The following ANO4 variants were observed in gnomAD, a reference collection of about 807,000 sequenced individuals.
ANO4 encodes the protein anoctamin 4.
In ANO4, 69 loss-of-function variants were observed where a neutral mutation model predicts 141.9. That is an observed-to-expected ratio of 0.49 (90% confidence interval 0.40 to 0.59). The LOEUF is 0.59. ANO4 is among the 20% of genes least tolerant of loss of function. ANO4 has a pLI of 0.00. For missense variants in ANO4, 894 were observed against 1,162.2 expected, an observed-to-expected ratio of 0.77 and a Z score of 3.36; for synonymous variants, 350 against 394.3, an observed-to-expected ratio of 0.89 and a Z score of 1.33.
chr12:100,758,284 C>T (rs2032702279), intron 3 of ANO4, among the ~76,000 whole-genome samples: 1 of 152,146 alleles, frequency 6.6e-6, no homozygotes, highest in Non-Finnish European at 1.5e-5. Flanking sequence ...CAGATGGTGG[C>T]CTTGGTGTGT....
At chr12:101,083,576 G>C in intron 15 of ANO4, 102 bp from the exon 16 acceptor site, 1 of 1,389,490 alleles carries the variant, frequency 7.2e-7, no homozygotes, top group Non-Finnish European at 9.7e-7. Context: ...TAATTAGTGT[G>C]GCAGCTGTTG....
At chr12:101,018,364 T>G (rs1167248908) in intron 8 of ANO4, among the ~76,000 whole-genome samples, 1 of 152,182 alleles carries the variant, frequency 6.6e-6, no homozygotes, top group Non-Finnish European at 1.5e-5. Context: ...ATCCACCAAC[T>G]CAAATTACCT....
intron 5 of ANO4, among the ~76,000 whole-genome samples, chr12:100,966,830 C>CAT (rs1307171270): frequency 8.0e-6 from 1 of 124,318 alleles, no homozygotes; most frequent in East Asian, 2.7e-4. Context: ...TATATATACA[C>CAT]ATATATATAC....
intron 16 of ANO4, among the ~76,000 whole-genome samples, chr12:101,085,714 C>G (rs2049464704): frequency 6.6e-6 from 1 of 152,118 alleles, no homozygotes; most frequent in African/African-American, 2.4e-5. Flanking sequence ...TTCAGGGAAA[C>G]ATGCTTCAGT....
chr12:100,942,275 G>C (rs993721593), intron 4 of ANO4, 102 bp from the exon 5 acceptor site: 5 of 1,391,584 alleles, frequency 3.6e-6, no homozygotes, highest in Non-Finnish European at 4.9e-6. Flanking sequence ...CACCGCACCC[G>C]AACTGAAAAA....
intron 7 of ANO4, among the ~76,000 whole-genome samples, chr12:100,982,444 G>C (rs556819255): frequency 6.6e-6 from 1 of 152,278 alleles, no homozygotes; most frequent in Admixed American, 6.5e-5. Context: ...TAACTATTTA[G>C]GGATGTTTAT....
At chr12:100,898,545 A>T (rs1202133835) in intron 1 of ANO4, among the ~76,000 whole-genome samples, 1 of 152,144 alleles carries the variant, frequency 6.6e-6, no homozygotes, top group Non-Finnish European at 1.5e-5. Context: ...TCCTGGTAAT[A>T]TTCTTGAATT....
At chr12:100,892,226 G>A (rs1206410144) in intron 1 of ANO4, among the ~76,000 whole-genome samples, 1 of 152,172 alleles carries the variant, frequency 6.6e-6, no homozygotes, top group African/African-American at 2.4e-5. Context: ...GACCACAGGA[G>A]TACTGATAGC....
chr12:100,918,564 A>G (rs563015674), intron 2 of ANO4, among the ~76,000 whole-genome samples: 1 of 152,288 alleles, frequency 6.6e-6, no homozygotes, highest in East Asian at 1.9e-4. Context: ...TTAAGATTAT[A>G]ATGGAGCTGA....
At position 101,104,744 on chromosome 12, in the gene ANO4, G is replaced by A. The variant is rs188063737; in HGVS notation, c.2149+5024G>A. On this transcript the variant is annotated intron_variant, in intron 22 of 27. Coordinates refer to ENST00000392977, the MANE Select transcript of ANO4 (RefSeq NM_001286615.2). ...ATGTTTCAAGTATGTTCTGCATTTA[G>A]TTGTTTGGTATAATGGTCTACATTT... Among the ~76,000 whole-genome samples the A allele has an allele frequency of 5.2e-3, 763 of 147,528 alleles. 5 individuals carry two copies. Among genetic ancestry groups the A allele is most frequent in the Middle Eastern group, 0.033 (9 of 270 alleles).
At chr12:100,811,382 G>A (rs2035426322) in intron 1 of ANO4, among the ~76,000 whole-genome samples, 1 of 152,182 alleles carries the variant, frequency 6.6e-6, no homozygotes, top group South Asian at 2.1e-4. Flanking sequence ...CTTGAGTGAT[G>A]CAGTGCTATC....
intron 1 of ANO4, among the ~76,000 whole-genome samples, chr12:100,730,298 C>T (rs1293670825): frequency 1.3e-5 from 2 of 149,994 alleles, no homozygotes; most frequent in African/African-American, 2.4e-5. Context: ...TTTTTTAAAC[C>T]GTACCTCCTC....
At chr12:101,122,688 C>G (rs1386697928) in intron 26 of ANO4, among the ~76,000 whole-genome samples, 2 of 152,122 alleles carry the variant, frequency 1.3e-5, no homozygotes, top group Admixed American at 6.5e-5. Context: ...TTCACTCTTT[C>G]TAAATGTCTC....
intron 17 of ANO4, among the ~76,000 whole-genome samples, chr12:101,088,696 C>T (rs57935389): frequency 0.018 from 2,788 of 152,084 alleles, 101 homozygotes; most frequent in African/African-American, 0.064. Context: ...CACTGTGGCT[C>T]ATGCCTGTAA....
intron 3 of ANO4, among the ~76,000 whole-genome samples, chr12:100,765,561 T>G (rs573176602): frequency 2.6e-5 from 4 of 151,642 alleles, no homozygotes; most frequent in Non-Finnish European, 5.9e-5. Context: ...TTAATTTTGT[T>G]TTTTGTAGAG....
chr12:101,096,468 G>A, intron 18 of ANO4, 68 bp from the exon 19 acceptor site: 2 of 1,242,576 alleles, frequency 1.6e-6, no homozygotes, highest in Non-Finnish European at 2.4e-6. Context: ...TGTGTGGGGA[G>A]GGAAAGAGAG....
intron 1 of ANO4, among the ~76,000 whole-genome samples, chr12:100,857,694 C>G (rs1413643890): frequency 6.6e-6 from 1 of 152,108 alleles, no homozygotes; most frequent in Non-Finnish European, 1.5e-5. Context: ...AAGTTGAGTC[C>G]TCTATATCCG....
chr12:100,926,431 A>G (rs1419555746), intron 3 of ANO4, among the ~76,000 whole-genome samples: 1 of 152,144 alleles, frequency 6.6e-6, no homozygotes, highest in Non-Finnish European at 1.5e-5. Context: ...TGTGTCAGGT[A>G]CTGTGCTAGG....
At chr12:101,097,078 G>A (rs1033019075) in intron 19 of ANO4, among the ~76,000 whole-genome samples, 4 of 152,002 alleles carry the variant, frequency 2.6e-5, no homozygotes, top group African/African-American at 7.2e-5. Context: ...AGAGGATGCT[G>A]GGTAACTTTT....
Sources: gnomAD v4.1 joint callset for allele counts (sites outside exome capture counted in the v4.1 genomes callset) on GRCh38, gnomAD v4.1.1 for gene constraint, MANE v1.5 for transcripts, NCBI Gene and HGNC (gene_info 2026-07-23, HGNC 2026-07-21) for gene names.